The following SLC10A7 variants were observed in gnomAD, a reference collection of about 807,000 sequenced individuals.
The protein encoded by SLC10A7 is solute carrier family 10 member 7, also known as sodium/bile acid cotransporter 7.
A neutral mutation model predicts 43.2 loss-of-function variants in SLC10A7; 29 were observed. That is an observed-to-expected ratio of 0.67 (90% CI 0.50 to 0.92). SLC10A7 has a LOEUF of 0.92. Among genes scored for constraint, SLC10A7 ranks in the 40% least tolerant of loss-of-function variants. SLC10A7 has a pLI of 0.00. For synonymous variants in SLC10A7, 152 were observed against 144.8 expected (o/e 1.05, Z -0.35); for missense variants, 295 against 403.2 (o/e 0.73, Z 2.30).
intron 5 of SLC10A7, among the ~76,000 whole-genome samples, chr4:146,400,751 A>G (rs1408547136): frequency 6.6e-6 from 1 of 152,028 alleles, no homozygotes; most frequent in Admixed American, 6.6e-5. Context: ...CATACTCACC[A>G]TTTGATGACA....
At chr4:146,480,426 G>A (rs940003647) in intron 4 of SLC10A7, among the ~76,000 whole-genome samples, 6 of 152,092 alleles carry the variant, frequency 3.9e-5, no homozygotes, top group Non-Finnish European at 7.4e-5. Context: ...TGTAAAAGAT[G>A]TCCCAAGGTA....
intron 7 of SLC10A7, among the ~76,000 whole-genome samples, chr4:146,299,650 G>A (rs1560776363): frequency 6.6e-6 from 1 of 152,174 alleles, no homozygotes; most frequent in Non-Finnish European, 1.5e-5. Context: ...GAGTGCAATG[G>A]GCAAGTGGGA....
At chr4:146,306,507 A>G (rs868409587) in intron 6 of SLC10A7, among the ~76,000 whole-genome samples, 1 of 152,202 alleles carries the variant, frequency 6.6e-6, no homozygotes, top group South Asian at 2.1e-4. Context: ...AATGTCTAGC[A>G]AATGGGAAAT....
At chr4:146,416,651 G>C (rs988787884) in intron 5 of SLC10A7, among the ~76,000 whole-genome samples, 1 of 152,148 alleles carries the variant, frequency 6.6e-6, no homozygotes, top group Non-Finnish European at 1.5e-5. Flanking sequence ...TATTCAGAAA[G>C]AGAATCTGGT....
At chr4:146,305,125 C>A (rs994276933) in intron 7 of SLC10A7, among the ~76,000 whole-genome samples, 1 of 150,550 alleles carries the variant, frequency 6.6e-6, no homozygotes, top group Non-Finnish European at 1.5e-5. Context: ...CACATGCACA[C>A]GTATGTTTAT....
intron 5 of SLC10A7, among the ~76,000 whole-genome samples, chr4:146,361,610 A>C (rs1736053829): frequency 6.6e-6 from 1 of 152,214 alleles, no homozygotes; most frequent in Non-Finnish European, 1.5e-5. Flanking sequence ...CCTCTCAAGA[A>C]GGATGAGTAC....
chr4:146,356,397 G>A (rs1419443149), intron 5 of SLC10A7, among the ~76,000 whole-genome samples: 1 of 152,078 alleles, frequency 6.6e-6, no homozygotes, highest in African/African-American at 2.4e-5. Context: ...ACTACTGAGA[G>A]ATCCTCGTGT....
At chr4:146,403,432 A>C (rs1435751930) in intron 5 of SLC10A7, among the ~76,000 whole-genome samples, 4 of 152,132 alleles carry the variant, frequency 2.6e-5, no homozygotes, top group African/African-American at 4.8e-5. Context: ...CTAAGAAGAC[A>C]CTTTGCTTAT....
chr4:146,417,441 G>A (rs1048891093), intron 5 of SLC10A7, among the ~76,000 whole-genome samples: 3 of 152,154 alleles, frequency 2.0e-5, no homozygotes, highest in Non-Finnish European at 4.4e-5. Flanking sequence ...GGGCCAAAAA[G>A]AGATGAGAAA....
chr4:146,489,684 C>T (rs1553985479), intron 4 of SLC10A7, among the ~76,000 whole-genome samples: 1 of 152,176 alleles, frequency 6.6e-6, no homozygotes, highest in Non-Finnish European at 1.5e-5. Context: ...GTTATTCCAT[C>T]CTTCTGCTGT....
rs372702638 is a variant in SLC10A7 at position 146,347,523 on chromosome 4, G to C, written c.436-21527C>G. ...GAGACATGGCTGGAGTGGAGGACAG[G>C]ATTGTAAAGTTAGAATCTTAAGACT... On this transcript the variant is annotated intron_variant, in intron 5 of 11. Coordinates refer to ENST00000335472, the MANE Select transcript of SLC10A7 (RefSeq NM_001029998.6). 3.3e-5 allele frequency among the ~76,000 whole-genome samples: 5 copies of C among 152,288 alleles called. No individual in the cohort carries two copies. The East Asian group carries it at 5.8e-4, about 18-fold the overall frequency.
intron 5 of SLC10A7, among the ~76,000 whole-genome samples, chr4:146,437,870 C>CATTTATGTAAGA (rs1332542290): frequency 6.6e-6 from 1 of 151,976 alleles, no homozygotes; most frequent in Non-Finnish European, 1.5e-5. Context: ...GAAATTCTTA[C>CATTTATGTAAGA]ATTTATGTTA....
At chr4:146,378,272 T>C (rs774211328) in intron 5 of SLC10A7, among the ~76,000 whole-genome samples, 9 of 152,222 alleles carry the variant, frequency 5.9e-5, no homozygotes, top group Admixed American at 3.9e-4. Flanking sequence ...TGCCTAGCTA[T>C]AGAGAAAATT....
chr4:146,370,660 T>C (rs543149745), intron 5 of SLC10A7, among the ~76,000 whole-genome samples: 11 of 152,168 alleles, frequency 7.2e-5, no homozygotes, highest in Non-Finnish European at 1.6e-4. Flanking sequence ...TTTTTTAATC[T>C]TCCCCCACAG....
chr4:146,351,447 T>C (rs1245370403), intron 5 of SLC10A7, among the ~76,000 whole-genome samples: 1 of 151,902 alleles, frequency 6.6e-6, no homozygotes, highest in Non-Finnish European at 1.5e-5. Context: ...TGGAACCAAG[T>C]TGGAAAACAC....
intron 6 of SLC10A7, among the ~76,000 whole-genome samples, chr4:146,322,413 C>T (rs1264518726): frequency 7.1e-6 from 1 of 140,130 alleles, no homozygotes; most frequent in East Asian, 2.3e-4. Flanking sequence ...TGTTCCCCTT[C>T]CTGTGTCCAT....
intron 5 of SLC10A7, among the ~76,000 whole-genome samples, chr4:146,352,969 T>G (rs2149747945): frequency 7.0e-6 from 1 of 143,766 alleles, no homozygotes; most frequent in Non-Finnish European, 1.5e-5. Flanking sequence ...ACATCACAAT[T>G]AAAAGAACTA....
chr4:146,467,492 CACACAG>C (rs1430986281), intron 4 of SLC10A7, among the ~76,000 whole-genome samples: 4 of 145,796 alleles, frequency 2.7e-5, no homozygotes, highest in African/African-American at 7.9e-5. Flanking sequence ...CACACACACA[CACACAG>C]GCACACACAA....
In SLC10A7 at chr4:146,426,144, A is replaced by C. The variant is rs370399615; in HGVS notation, c.435+16639T>G. Among the ~76,000 whole-genome samples, 9 of 152,358 alleles carry C rather than the reference A, an allele frequency of 5.9e-5. No homozygotes were observed. The East Asian group carries it at 1.7e-3, about 29-fold the overall frequency. ...TTAGTTTCTAAACAGAACCATCACA[A>C]ACTTTCAAAGTATATGCCACTTTTT... On this transcript the variant is annotated intron_variant, in intron 5 of 11. Coordinates refer to ENST00000335472, the MANE Select transcript of SLC10A7 (RefSeq NM_001029998.6).
Sources: gnomAD v4.1 joint callset for allele counts (sites outside exome capture counted in the v4.1 genomes callset) on GRCh38, gnomAD v4.1.1 for gene constraint, MANE v1.5 for transcripts, NCBI Gene and HGNC (gene_info 2026-07-23, HGNC 2026-07-21) for gene names.